NT5C2: variants seen among roughly 807,000 people sequenced by gnomAD.
The protein encoded by NT5C2 is 5'-nucleotidase, cytosolic II.
NT5C2 carries 58 observed loss-of-function variants against 76.1 expected under a neutral mutation model. The observed-to-expected ratio is 0.76, with a 90% CI of 0.62 to 0.95. NT5C2 has a LOEUF of 0.95. NT5C2 is among the 40% of genes least tolerant of loss of function. The pLI is 0.00. For synonymous variants in NT5C2, 229 were observed against 237.4 expected (o/e 0.96, Z 0.32); for missense variants, 478 against 690.3 (o/e 0.69, Z 3.45).
chr10:103,116,510 G>A (rs923832184), intron 4 of NT5C2, among the ~76,000 whole-genome samples: 14 of 151,360 alleles, frequency 9.2e-5, no homozygotes, highest in East Asian at 3.9e-4. Context: ...TGCAATACTC[G>A]AAGTCTTTTA....
At chr10:103,116,032 A>T (rs1351327412) in intron 4 of NT5C2, among the ~76,000 whole-genome samples, 1 of 152,156 alleles carries the variant, frequency 6.6e-6, no homozygotes, top group Non-Finnish European at 1.5e-5. Flanking sequence ...AGAAATTCTG[A>T]AGTTTAAGAA....
chr10:103,102,756 A>G (rs555459573), intron 6 of NT5C2, among the ~76,000 whole-genome samples: 45 of 150,804 alleles, frequency 3.0e-4, no homozygotes, highest in African/African-American at 1.0e-3. Flanking sequence ...TGAAAACTAG[A>G]TAAGAAGTGA....
chr10:103,092,920 A>G (rs2067284326), intron 15 of NT5C2, among the ~76,000 whole-genome samples: 1 of 152,200 alleles, frequency 6.6e-6, no homozygotes, highest in South Asian at 2.1e-4. Context: ...CCTCGAAGAG[A>G]TTCAAGAAGG....
chr10:103,161,998 T>C (rs1287582973), intron 3 of NT5C2, among the ~76,000 whole-genome samples: 1 of 152,168 alleles, frequency 6.6e-6, no homozygotes, highest in Non-Finnish European at 1.5e-5. Flanking sequence ...TTCTATTTTA[T>C]ATTATGTAAA....
chr10:103,153,319 T>G, intron 3 of NT5C2: 1 of 1,282,098 alleles, frequency 7.8e-7, no homozygotes, highest in Non-Finnish European at 1.0e-6. Context: ...AAAGATCTAC[T>G]TCCTCTGGAT....
intron 4 of NT5C2, among the ~76,000 whole-genome samples, chr10:103,108,611 A>G (rs1315019781): frequency 6.6e-6 from 1 of 152,208 alleles, no homozygotes; most frequent in Non-Finnish European, 1.5e-5. Flanking sequence ...TACTTCTTGT[A>G]CCTTTAAAAC....
chr10:103,182,083 G>A (rs932144754), intron 1 of NT5C2, among the ~76,000 whole-genome samples: 1 of 151,662 alleles, frequency 6.6e-6, no homozygotes, highest in Non-Finnish European at 1.5e-5. Context: ...AAAATGCCAC[G>A]CTGCTAGAGT....
intron 3 of NT5C2, among the ~76,000 whole-genome samples, chr10:103,148,497 G>A (rs1047621898): frequency 2.0e-5 from 3 of 151,892 alleles, no homozygotes; most frequent in Non-Finnish European, 4.4e-5. Context: ...CCAGCTACTC[G>A]GGAGTCTAAG....
chr10:103,090,744 C>T lies in NT5C2; in HGVS notation c.1316G>A (p.Ser439Asn), dbSNP rs1272078839. ...CTGCCGGGAGCCACTGCGAAACAGG[C>T]TTCCCATCATCCCATAGCACATGTC... ...DMDMCYGMMG[S>N]LFRSGSRQTL... is the part of the protein sequence containing the mutation. The change falls in exon 18 of 19, where the codon AGC (serine) becomes AAC (asparagine). Residue 439 changes from serine (S) to asparagine (N), a missense_variant. Physicochemically the swap from Ser to Asn is conservative, Grantham distance 46. Transcript: ENST00000404739. 1 of 1,614,194 alleles carries T rather than the reference C, an allele frequency of 6.2e-7. No homozygotes were observed. Among genetic ancestry groups the T allele is most frequent in the African/African-American group, 1.3e-5 (1 of 75,052 alleles).
At chr10:103,184,704 A>G (rs2091784537) in intron 1 of NT5C2, among the ~76,000 whole-genome samples, 1 of 152,242 alleles carries the variant, frequency 6.6e-6, no homozygotes, top group African/African-American at 2.4e-5. Context: ...TTAATACTCT[A>G]AATGAATCTT....
At chr10:103,192,900 C>T (rs1271138578) in intron 1 of NT5C2, among the ~76,000 whole-genome samples, 1 of 152,126 alleles carries the variant, frequency 6.6e-6, no homozygotes, top group Non-Finnish European at 1.5e-5. Context: ...CGAACGGCCG[C>T]GCTGGGAGGC....
chr10:103,096,094 C>T (rs532743455), intron 11 of NT5C2, 114 bp from the exon 12 acceptor site: 3 of 698,066 alleles, frequency 4.3e-6, no homozygotes, highest in Non-Finnish European at 7.4e-6. Flanking sequence ...GGACTCACCA[C>T]ATTCTTGTTT....
chr10:103,092,803 G>C (rs1004665436), intron 15 of NT5C2, among the ~76,000 whole-genome samples: 40 of 152,210 alleles, frequency 2.6e-4, no homozygotes, highest in Non-Finnish European at 3.4e-4. Flanking sequence ...GACTGGGACT[G>C]CTAGGCATGG....
chr10:103,132,575 ACT>A (rs1183923032), intron 4 of NT5C2, among the ~76,000 whole-genome samples: 2 of 151,626 alleles, frequency 1.3e-5, no homozygotes, highest in Admixed American at 6.6e-5. Context: ...ACGGAATCTC[ACT>A]CTGTCACCCA....
chr10:103,108,047 C>CG (rs2071837222), intron 4 of NT5C2, among the ~76,000 whole-genome samples: 1 of 151,422 alleles, frequency 6.6e-6, no homozygotes, highest in Non-Finnish European at 1.5e-5. Context: ...CCCAGCTACT[C>CG]GGGAGGGTGA....
At chr10:103,097,683 T>A (rs963606431) in intron 10 of NT5C2, among the ~76,000 whole-genome samples, 2 of 152,198 alleles carry the variant, frequency 1.3e-5, no homozygotes, top group East Asian at 3.8e-4. Flanking sequence ...AGAGTTTAAA[T>A]TACCTTGAGA....
At chr10:103,094,638 C>T in intron 12 of NT5C2, 183 bp from the exon 13 acceptor site, 1 of 534,832 alleles carries the variant, frequency 1.9e-6, no homozygotes, top group Non-Finnish European at 3.3e-6. Context: ...AATCCCAGTA[C>T]TTTGGGAGGC....
At chr10:103,123,335 G>C (rs1370242344) in intron 4 of NT5C2, among the ~76,000 whole-genome samples, 1 of 152,030 alleles carries the variant, frequency 6.6e-6, no homozygotes, top group East Asian at 1.9e-4. Context: ...AGGATGTGCA[G>C]GTTTGTTACA....
intron 4 of NT5C2, among the ~76,000 whole-genome samples, chr10:103,134,169 A>G (rs895859994): frequency 1.3e-5 from 2 of 152,224 alleles, no homozygotes; most frequent in African/African-American, 2.4e-5. Context: ...AGAAATTTGC[A>G]TAAGTAACAA....
Sources: allele counts gnomAD v4.1 joint callset (sites outside exome capture counted in the v4.1 genomes callset), GRCh38; gene constraint gnomAD v4.1.1; transcripts MANE v1.5; gene names NCBI Gene and HGNC (gene_info 2026-07-23, HGNC 2026-07-21).